The following DNAJC21 variants were observed in gnomAD, a reference collection of about 807,000 sequenced individuals.
DNAJC21 encodes the protein dnaJ homolog subfamily C member 21.
DNAJC21 carries 63 observed loss-of-function variants against 72.4 expected under a neutral mutation model. The observed-to-expected ratio is 0.87, with a 90% CI of 0.71 to 1.07. DNAJC21 has a LOEUF of 1.07. Among genes scored for constraint, DNAJC21 ranks in the 50% least tolerant of loss-of-function variants. The pLI is 0.00. For synonymous variants in DNAJC21, 203 were observed against 216.7 expected (o/e 0.94, Z 0.56); for missense variants, 634 against 644.8 (o/e 0.98, Z 0.18).
In DNAJC21 at chr5:34,937,362, T is replaced by C. The variant is rs1764813923; in HGVS notation, c.475T>C (p.Cys159Arg). 1.2e-6 allele frequency: 2 copies of C among 1,613,668 alleles called. No homozygotes were observed. Among genetic ancestry groups the C allele is most frequent in the Non-Finnish European group, 1.7e-6 (2 of 1,179,866 alleles). ...HPFYAYWQSF[C>R]TQKNFAWKEE... ...TTTCTACGCTTATTGGCAGAGTTTCTGCACTCAAAAGAATTTTGCATGGAA... is the reference window on the plus strand; with the variant it reads ...TTTCTACGCTTATTGGCAGAGTTTCCGCACTCAAAAGAATTTTGCATGGAA... Residue 159 changes from cysteine (C) to arginine (R), a missense_variant, in exon 5 of 12, where the codon TGC becomes CGC. Transcript: ENST00000648817.
At chr5:34,934,883 A>G (rs930676594) in intron 2 of DNAJC21, among the ~76,000 whole-genome samples, 10 of 152,226 alleles carry the variant, frequency 6.6e-5, no homozygotes, top group African/African-American at 2.2e-4. Flanking sequence ...ACTCAGAGAG[A>G]GGATCCTGAA....
chr5:34,932,681 C>T (rs1245237935), intron 1 of DNAJC21, among the ~76,000 whole-genome samples: 1 of 152,200 alleles, frequency 6.6e-6, no homozygotes, highest in African/African-American at 2.4e-5. Flanking sequence ...CACCAACTCA[C>T]CAGCTCACCA....
chr5:34,943,253 C>T (rs188899774), intron 7 of DNAJC21, among the ~76,000 whole-genome samples: 14 of 152,142 alleles, frequency 9.2e-5, no homozygotes, highest in South Asian at 4.1e-4. Flanking sequence ...AGAACATAAT[C>T]TGGAACAGCT....
At chr5:34,937,726 G>C in intron 5 of DNAJC21, 96 bp downstream of exon 5, 1 of 1,427,184 alleles carries the variant, frequency 7.0e-7, no homozygotes, top group Non-Finnish European at 9.4e-7. Context: ...TCAGTCATCA[G>C]CCTGGCTTTA....
Position 34,950,440 on chromosome 5 carries a change from C to G in DNAJC21, c.1358+98C>G. 7 of 1,472,126 alleles carry G rather than the reference C, an allele frequency of 4.8e-6. No homozygotes were observed. In the East Asian group the frequency reaches 1.7e-4, roughly 36 times the overall value. The allele number at this position is 1,472,126 out of a possible 1,614,324, so 91.2% of individuals were successfully genotyped here. A position where few individuals can be genotyped will look rare whatever the true frequency, so the allele number is the denominator to read the frequency against. On this transcript the variant is annotated intron_variant, in intron 10 of 11. Transcript: ENST00000648817. ...ATAAAATCTTCTTTCCCATGACTGA[C>G]CAGGTAATTTAGATGTATCTGTACA...
At chr5:34,951,069 A>C in intron 10 of DNAJC21, 1 of 985,570 alleles carries the variant, frequency 1.0e-6, no homozygotes, top group Non-Finnish European at 1.2e-6. Context: ...CACTGGAGCA[A>C]CAGTGATGGG....
At chr5:34,945,451 C>T (rs1765143782) in intron 8 of DNAJC21, among the ~76,000 whole-genome samples, 1 of 152,112 alleles carries the variant, frequency 6.6e-6, no homozygotes, top group Admixed American at 6.5e-5. Context: ...GTTAATGGAA[C>T]TTTATAGTGT....
rs1025595562 is a variant in DNAJC21, at chr5:34,955,227, T to C, written c.*513T>C. On this transcript the variant is annotated 3_prime_UTR_variant, in exon 12 of 12. Coordinates refer to ENST00000648817, the MANE Select transcript of DNAJC21 (RefSeq NM_001012339.3). ...CGATTATTGATTACTGTATTTTTTT[T>C]CTCAAGAACAGTGATAGGTAGAAAC... is the stretch of plus-strand genomic sequence containing the variant. 3 of 152,276 alleles carry C rather than the reference T, an allele frequency of 2.0e-5. No individual in the cohort carries two copies. The highest frequency in any genetic ancestry group is 1.3e-4 in the Admixed American group (2 of 15,290). The allele number at this position is 152,276 out of a possible 1,614,324, so 9.4% of individuals were successfully genotyped here.
rs1765544444 is a variant in DNAJC21, at chr5:34,956,585, T to C, written c.*1871T>C. The C allele has an allele frequency of 6.6e-6, 1 of 152,238 alleles. No homozygotes were observed. The highest frequency in any genetic ancestry group is 2.4e-5 in the African/African-American group (1 of 41,462). The allele number at this position is 152,238 out of a possible 1,614,324, so 9.4% of individuals were successfully genotyped here. On this transcript the variant is annotated 3_prime_UTR_variant, in exon 12 of 12. Transcript: ENST00000648817. ...AACCAGAGGACATACTAGTCACATGTTATTATACACTAAAAAATAGGAAGT... is the reference window on the plus strand; with the variant it reads ...AACCAGAGGACATACTAGTCACATGCTATTATACACTAAAAAATAGGAAGT...
At chr5:34,934,456 C>T (rs561986960) in intron 2 of DNAJC21, among the ~76,000 whole-genome samples, 1 of 151,472 alleles carries the variant, frequency 6.6e-6, no homozygotes, top group South Asian at 2.1e-4. Flanking sequence ...GTCTCAAACT[C>T]CTGACCTCAA....
chr5:34,953,107 G>A (rs1404789300), intron 10 of DNAJC21, among the ~76,000 whole-genome samples: 3 of 151,976 alleles, frequency 2.0e-5, no homozygotes, highest in East Asian at 2.0e-4. Context: ...CCAAGATCGC[G>A]CCACTGCACT....
At position 34,937,376 on chromosome 5, in the gene DNAJC21, T is replaced by C. The variant is rs1764814984; in HGVS notation, c.489T>C (p.Asn163=). The C allele has an allele frequency of 6.2e-7, 1 of 1,613,744 alleles. No homozygotes were observed. Among genetic ancestry groups the C allele is most frequent in the Admixed American group, 1.7e-5 (1 of 59,912 alleles). Residue 163 remains asparagine, a synonymous_variant, in exon 5 of 12, where the codon AAT becomes AAC. Transcript: ENST00000648817. ...AYWQSFCTQK[N]FAWKEEYDTR... ...GGCAGAGTTTCTGCACTCAAAAGAA[T>C]TTTGCATGGAAGGAAGAATATGATA...
At chr5:34,940,918 T>G (rs933820429) in intron 6 of DNAJC21, among the ~76,000 whole-genome samples, 178 bp from the exon 7 acceptor site, 3 of 152,234 alleles carry the variant, frequency 2.0e-5, no homozygotes, top group African/African-American at 7.2e-5. Context: ...AAAGTTAAGG[T>G]GCTTTATTTG....
chr5:34,950,775 G>A, intron 10 of DNAJC21: 1 of 987,904 alleles, frequency 1.0e-6, no homozygotes, highest in Non-Finnish European at 1.2e-6. Flanking sequence ...AGCAGCTGGG[G>A]CCCTTCCTGC....
At chr5:34,945,077 G>T in intron 8 of DNAJC21, 52 bp downstream of exon 8, 2 of 1,582,362 alleles carry the variant, frequency 1.3e-6, no homozygotes, top group Admixed American at 1.9e-5. Flanking sequence ...TTCAGAGATT[G>T]CATTAAAAGG....
chr5:34,934,922 C>A (rs1764722692), intron 2 of DNAJC21, among the ~76,000 whole-genome samples: 1 of 152,216 alleles, frequency 6.6e-6, no homozygotes, highest in Non-Finnish European at 1.5e-5. Flanking sequence ...ATTTGGAGAT[C>A]TGGTCTTAGA....
rs561927386 is a variant in DNAJC21, at chr5:34,940,779, G to C, written c.896-317G>C. Among the ~76,000 whole-genome samples, 120 of 152,264 alleles carry C rather than the reference G, an allele frequency of 7.9e-4. 1 individual carries two copies. The South Asian group carries it at 9.9e-3, about 13-fold the overall frequency. On this transcript the variant is annotated intron_variant, in intron 6 of 11. Coordinates refer to ENST00000648817, the MANE Select transcript of DNAJC21 (RefSeq NM_001012339.3). The stretch of plus-strand genomic sequence containing the variant: ...TTGCTCAAGAGGTAAACTAAGAAAA[G>C]ACCTTTTTTGAAAAACTGCTTCGTG...
chr5:34,950,511 C>A, intron 10 of DNAJC21, 169 bp downstream of exon 10: 1 of 1,272,492 alleles, frequency 7.9e-7, no homozygotes, highest in Non-Finnish European at 9.9e-7. Context: ...AGATGAAGAG[C>A]GTTGAGAAGA....
At chr5:34,941,004 GAAAT>G (rs1038046266) in intron 6 of DNAJC21, 88 bp from the exon 7 acceptor site, 8 of 1,077,072 alleles carry the variant, frequency 7.4e-6, no homozygotes, top group Admixed American at 6.5e-5. Flanking sequence ...TTTAGGTAAA[GAAAT>G]AAAAAAATTT....
Sources: gnomAD v4.1 joint callset for allele counts (sites outside exome capture counted in the v4.1 genomes callset) on GRCh38, gnomAD v4.1.1 for gene constraint, MANE v1.5 for transcripts, NCBI Gene and HGNC (gene_info 2026-07-23, HGNC 2026-07-21) for gene names.